CUX1: variants seen among roughly 807,000 people sequenced by gnomAD.
The protein encoded by CUX1 is protein CASP.
Under a neutral mutation model 158.8 loss-of-function variants are expected in CUX1, and 31 were observed. That is an observed-to-expected ratio of 0.20 (90% CI 0.15 to 0.26). The LOEUF (loss-of-function observed/expected upper bound fraction) is 0.26. Among genes scored for constraint, CUX1 ranks in the 10% least tolerant of loss-of-function variants. The pLI is 1.00. For missense variants in CUX1, 1,589 were observed against 2,014.6 expected (o/e 0.79, Z 4.04); for synonymous variants, 879 against 862.1 (o/e 1.02, Z -0.34).
intron 2 of CUX1, among the ~76,000 whole-genome samples, chr7:101,965,848 C>CAAA (rs36052208): frequency 4.0e-4 from 20 of 50,152 alleles, no homozygotes; most frequent in African/African-American, 8.2e-4. Context: ...GACTCCATCT[C>CAAA]AAAAAAAAAA....
chr7:102,220,619 T>C (rs1220694329), intron 20 of CUX1, among the ~76,000 whole-genome samples: 2 of 152,116 alleles, frequency 1.3e-5, no homozygotes, highest in African/African-American at 2.4e-5. Flanking sequence ...GAAGAGTCTT[T>C]CTGAGCCTCT....
At chr7:102,277,801 G>T in intron 17 of CUX1, 1 of 466,304 alleles carries the variant, frequency 2.1e-6, no homozygotes. Context: ...CTGTGGTGGG[G>T]CCACAGTGGG....
intron 22 of CUX1, 97 bp from the exon 23 acceptor site, chr7:102,239,223 T>C (rs62484935): frequency 0.25 from 349,732 of 1,394,954 alleles, 46,463 homozygotes; most frequent in Non-Finnish European, 0.28. Flanking sequence ...TGCAAAGTCC[T>C]GCAAGCCGGC....
intron 1 of CUX1, among the ~76,000 whole-genome samples, chr7:101,910,734 A>G (rs1803335062): frequency 6.7e-6 from 1 of 149,256 alleles, no homozygotes; most frequent in Admixed American, 6.8e-5. Context: ...GCGACCGAGC[A>G]AGACTGTCTC....
chr7:102,108,791 G>C (rs1830622415), intron 6 of CUX1, among the ~76,000 whole-genome samples: 1 of 144,240 alleles, frequency 6.9e-6, no homozygotes, highest in South Asian at 2.1e-4. Flanking sequence ...AAGTCTCTCT[G>C]TCACCTAGGC....
At chr7:102,062,639 A>G (rs1012006906) in intron 3 of CUX1, among the ~76,000 whole-genome samples, 1 of 152,140 alleles carries the variant, frequency 6.6e-6, no homozygotes, top group East Asian at 1.9e-4. Flanking sequence ...GTGGGACCAC[A>G]GGCATACACC....
At chr7:102,219,770 A>G (rs938262575) in intron 20 of CUX1, among the ~76,000 whole-genome samples, 1 of 152,340 alleles carries the variant, frequency 6.6e-6, no homozygotes, top group South Asian at 2.1e-4. Flanking sequence ...AAGTCGCTGC[A>G]TATTTTGTTT....
intron 8 of CUX1, among the ~76,000 whole-genome samples, chr7:102,157,189 G>C (rs188125488): frequency 6.6e-6 from 1 of 152,128 alleles, no homozygotes; most frequent in Non-Finnish European, 1.5e-5. Context: ...AGGGCCTTGC[G>C]TGTGGCTGAG....
intron 22 of CUX1, among the ~76,000 whole-genome samples, chr7:102,237,618 T>C (rs987617153): frequency 3.9e-5 from 6 of 152,150 alleles, no homozygotes; most frequent in Non-Finnish European, 8.8e-5. Context: ...TCATCTCTTC[T>C]AGGCAACTTC....
At chr7:102,069,203 C>T (rs925100531) in intron 3 of CUX1, among the ~76,000 whole-genome samples, 4 of 152,190 alleles carry the variant, frequency 2.6e-5, no homozygotes, top group African/African-American at 9.6e-5. Flanking sequence ...CCCTCCTGTG[C>T]TCTTTCCACC....
chr7:102,055,427 C>G (rs1258422400), intron 3 of CUX1, among the ~76,000 whole-genome samples: 1 of 152,148 alleles, frequency 6.6e-6, no homozygotes, highest in Non-Finnish European at 1.5e-5. Context: ...TTCTCTTTGT[C>G]ACACTTTGGT....
chr7:101,938,996 G>A (rs1418862773), intron 2 of CUX1, among the ~76,000 whole-genome samples: 2 of 143,704 alleles, frequency 1.4e-5, no homozygotes, highest in South Asian at 2.2e-4. Flanking sequence ...AGCCAAGATC[G>A]TGCCACTGCA....
chr7:102,012,669 A>G (rs1818166762), intron 2 of CUX1, among the ~76,000 whole-genome samples: 1 of 143,398 alleles, frequency 7.0e-6, no homozygotes, highest in African/African-American at 2.7e-5. Context: ...GAAGGTATAC[A>G]TTCCCGTGTC....
chr7:102,076,282 G>A (rs1389041853), intron 4 of CUX1, among the ~76,000 whole-genome samples: 2 of 152,156 alleles, frequency 1.3e-5, no homozygotes, highest in Admixed American at 1.3e-4. Flanking sequence ...CTACTTGGGA[G>A]GCTGTGGCAG....
chr7:102,227,837 T>C (rs1392554223), intron 21 of CUX1, among the ~76,000 whole-genome samples, 168 bp downstream of exon 21: 1 of 152,128 alleles, frequency 6.6e-6, no homozygotes, highest in Non-Finnish European at 1.5e-5. Flanking sequence ...GCGTGCCGTC[T>C]GCAGGTCAGT....
chr7:102,274,443 G>A (rs1791453581), intron 16 of CUX1: 13 of 690,392 alleles, frequency 1.9e-5, no homozygotes, highest in Non-Finnish European at 2.7e-5. Context: ...CTGCAATGCA[G>A]CAGCAACCTT....
chr7:102,253,629 T>TGG lies in CUX1; in HGVS notation c.*4589_*4590dup. The TGG allele has an allele frequency of 1.0e-6, 1 of 985,414 alleles. No homozygotes were observed. The highest frequency in any genetic ancestry group is 1.2e-6 in the Non-Finnish European group (1 of 829,916). The allele number at this position is 985,414 out of a possible 1,614,324, so 61.0% of individuals were successfully genotyped here. A position where few individuals can be genotyped will look rare whatever the true frequency, so the allele number is the denominator to read the frequency against. ...CCAGGGGAACAGACGCATGTCCTTC[T>TGG]GGGAGTCACACAAAAGCAGAGAGAT... On this transcript the variant is annotated 3_prime_UTR_variant, in exon 24 of 24. Coordinates refer to ENST00000292535, the MANE Select transcript of CUX1 (RefSeq NM_181552.4).
chr7:101,945,565 G>A (rs1053608660), intron 2 of CUX1, among the ~76,000 whole-genome samples: 3 of 152,180 alleles, frequency 2.0e-5, no homozygotes, highest in East Asian at 3.9e-4. Context: ...TCCTGGCCTC[G>A]TGGAGCTGAT....
At chr7:102,152,869 G>A (rs924384872) in intron 8 of CUX1, among the ~76,000 whole-genome samples, 7 of 152,204 alleles carry the variant, frequency 4.6e-5, no homozygotes, top group Non-Finnish European at 8.8e-5. Flanking sequence ...AGAGTGTGGT[G>A]TCGTCATTGT....
Sources: gnomAD v4.1 joint callset for allele counts (sites outside exome capture counted in the v4.1 genomes callset) on GRCh38, gnomAD v4.1.1 for gene constraint, MANE v1.5 for transcripts, NCBI Gene and HGNC (gene_info 2026-07-23, HGNC 2026-07-21) for gene names.